MINDY4B: variants seen among roughly 807,000 people sequenced by gnomAD.
MINDY4B encodes the protein MINDY family member 4B, also known as inactive ubiquitin carboxyl-terminal hydrolase MINDY-4B.
Under a neutral mutation model 16.7 loss-of-function variants are expected in MINDY4B, and 25 were observed. The ratio of observed to expected loss-of-function variants is 1.49; its 90% confidence interval spans 1.09 to 2.09. The LOEUF is 2.09. MINDY4B is among the 30% of genes most tolerant of loss of function. The pLI is 0.00. For missense variants in MINDY4B, 327 were observed against 168.4 expected, an observed-to-expected ratio of 1.94 and a Z score of -5.21; for synonymous variants, 132 against 61.9, an observed-to-expected ratio of 2.13 and a Z score of -5.32.
intron 5 of MINDY4B, among the ~76,000 whole-genome samples, chr3:150,892,488 C>A (rs1711843387): frequency 6.6e-6 from 1 of 152,204 alleles, no homozygotes; most frequent in East Asian, 1.9e-4. Flanking sequence ...AATAACTTTA[C>A]CTGCCTGAGG....
At chr3:150,896,464 T>TG (rs1190564825) in intron 3 of MINDY4B, among the ~76,000 whole-genome samples, 1 of 152,180 alleles carries the variant, frequency 6.6e-6, no homozygotes, top group Non-Finnish European at 1.5e-5. Flanking sequence ...AACCTTGTTT[T>TG]GCCATATTAC....
intron 10 of MINDY4B, among the ~76,000 whole-genome samples, chr3:150,876,684 C>T (rs953866135): frequency 2.0e-5 from 3 of 152,100 alleles, no homozygotes; most frequent in Admixed American, 6.5e-5. Flanking sequence ...AAAGGGAAAA[C>T]GTAAAGGGGG....
chr3:150,882,309 A>AT (rs994521303), intron 10 of MINDY4B, among the ~76,000 whole-genome samples: 3 of 152,024 alleles, frequency 2.0e-5, no homozygotes, highest in African/African-American at 7.2e-5. Flanking sequence ...TCAACAGGAC[A>AT]TTTTACTTTC....
At position 150,893,189 on chromosome 3, in the gene MINDY4B, G is replaced by C. The variant is rs1344894243; in HGVS notation, c.521+135C>G. On this transcript the variant is annotated intron_variant, in intron 5 of 11. Coordinates refer to ENST00000465419, the MANE Select transcript of MINDY4B (RefSeq NM_001351281.2). ...CCAGTGGCAGAATCCAGCCTCTCTG[G>C]GACAGACAGGGCCATTTCTGTCTTA... is the stretch of plus-strand genomic sequence containing the variant. The C allele has an allele frequency of 1.1e-5, 7 of 641,374 alleles. No individual in the cohort carries two copies. The East Asian group carries it at 1.9e-4, about 17-fold the overall frequency. The allele number at this position is 641,374 out of a possible 1,614,324, so 39.7% of individuals were successfully genotyped here.
rs551280027 is a variant in MINDY4B at position 150,876,573 on chromosome 3, C to T, written c.1060-3206G>A. Reference sequence around the variant, plus strand: ...GGTATGTTGTAAAGACAAATTAGTTCATGTTTGCAGGGCGCTACCTCAGTG... The same window carrying T: ...GGTATGTTGTAAAGACAAATTAGTTTATGTTTGCAGGGCGCTACCTCAGTG... On this transcript the variant is annotated intron_variant, in intron 10 of 11. Transcript: ENST00000465419. 4.6e-5 allele frequency among the ~76,000 whole-genome samples: 7 copies of T among 152,232 alleles called. No homozygotes were observed. The South Asian group carries it at 1.0e-3, about 23-fold the overall frequency.
chr3:150,904,915 A>G (rs986525574), intron 2 of MINDY4B, 147 bp downstream of exon 2: 9 of 396,602 alleles, frequency 2.3e-5, no homozygotes, highest in Non-Finnish European at 3.1e-5. Context: ...AATCTTCGAC[A>G]GGCTTTCTAG....
intron 3 of MINDY4B, among the ~76,000 whole-genome samples, chr3:150,898,933 G>A (rs1206584819): frequency 6.6e-6 from 1 of 152,152 alleles, no homozygotes; most frequent in African/African-American, 2.4e-5. Flanking sequence ...ACTTGAGGTA[G>A]ACTAATCCTC....
chr3:150,879,357 C>G (rs1361538456), intron 10 of MINDY4B, among the ~76,000 whole-genome samples: 15 of 152,072 alleles, frequency 9.9e-5, no homozygotes. Flanking sequence ...CTGCTGGCAT[C>G]TAGTGAGCAG....
At chr3:150,871,882 C>T (rs893482317) in intron 11 of MINDY4B, among the ~76,000 whole-genome samples, 34 of 152,292 alleles carry the variant, frequency 2.2e-4, no homozygotes, top group African/African-American at 7.9e-4. Flanking sequence ...CTCCATGCTT[C>T]TCAGAATACA....
At chr3:150,892,259 C>T (rs1264885410) in intron 5 of MINDY4B, among the ~76,000 whole-genome samples, 8 of 152,208 alleles carry the variant, frequency 5.3e-5, no homozygotes, top group Non-Finnish European at 1.2e-4. Flanking sequence ...TCCATGCACC[C>T]GAGCTCCCAT....
chr3:150,899,895 C>A (rs17219034), intron 3 of MINDY4B, among the ~76,000 whole-genome samples: 9,414 of 152,302 alleles, frequency 0.062, 303 homozygotes, highest in Middle Eastern at 0.17. Context: ...TGCCTATTAT[C>A]CCATTTCAGA....
chr3:150,883,897 C>A (rs1317758744), intron 8 of MINDY4B, 125 bp from the exon 9 acceptor site: 1 of 620,850 alleles, frequency 1.6e-6, no homozygotes, highest in Admixed American at 2.6e-5. Context: ...TTCTCACTTG[C>A]ACTTTTCCAT....
intron 4 of MINDY4B, among the ~76,000 whole-genome samples, chr3:150,893,708 TG>T (rs549403044): frequency 2.1e-4 from 3 of 14,338 alleles, no homozygotes; most frequent in Middle Eastern, 0.17. Flanking sequence ...GGGGGGGGGG[TG>T]GGGTGCAGTC....
chr3:150,879,772 C>T (rs1711505833), intron 10 of MINDY4B, among the ~76,000 whole-genome samples: 1 of 152,094 alleles, frequency 6.6e-6, no homozygotes, highest in Non-Finnish European at 1.5e-5. Flanking sequence ...ATGACCTGGG[C>T]ATTGATAGTT....
chr3:150,889,010 T>C (rs1210587216), intron 7 of MINDY4B, among the ~76,000 whole-genome samples: 2 of 152,214 alleles, frequency 1.3e-5, no homozygotes, highest in Non-Finnish European at 2.9e-5. Flanking sequence ...TCCCATTCAA[T>C]GTCTCTTGCC....
intron 5 of MINDY4B, 128 bp downstream of exon 5, chr3:150,893,196 C>A: frequency 1.5e-6 from 1 of 649,022 alleles, no homozygotes; most frequent in Non-Finnish European, 2.8e-6. Context: ...CTGGGACAGA[C>A]AGGGCCATTT....
rs1336461662 is a variant in MINDY4B, at chr3:150,893,369, T to A, written c.476A>T (p.Lys159Ile). 5.7e-6 allele frequency: 4 copies of A among 702,808 alleles called. No homozygotes were observed. Among genetic ancestry groups the A allele is most frequent in the Non-Finnish European group, 1.0e-5 (4 of 384,834 alleles). The allele number at this position is 702,808 out of a possible 1,614,324, so 43.5% of individuals were successfully genotyped here. A position where few individuals can be genotyped will look rare whatever the true frequency, so the allele number is the denominator to read the frequency against. The change falls in exon 5 of 12, where the codon AAA becomes ATA. Residue 159 changes from lysine (K) to isoleucine (I), a missense_variant. Physicochemically the swap from Lys to Ile is moderately radical, Grantham distance 102. Transcript: ENST00000465419. ...TCCTTTCCTGGTAAACAACAAGTATTTGATGATGGATCCTTGCACAGCCAT... is the reference window on the plus strand; with the variant it reads ...TCCTTTCCTGGTAAACAACAAGTATATGATGATGGATCCTTGCACAGCCAT... ...IQMAVQGSIIKYLLFTRKGKD... is the reference protein window; with the variant it reads ...IQMAVQGSIIIYLLFTRKGKD...
At position 150,871,066 on chromosome 3, in the gene MINDY4B, A is replaced by G. The variant is rs1312574704; in HGVS notation, c.1362T>C (p.Asn454=). ...CCCTTTAGAAGAAGGGAACGGTCCC[A>G]TTCCAGTTGATGGTGGCCTCGCTCC... ...TKWSEATINW[N]GTVPFF Residue 454 remains asparagine (N), a synonymous_variant, in exon 12 of 12, where the codon AAT becomes AAC. Coordinates refer to ENST00000465419, the MANE Select transcript of MINDY4B (RefSeq NM_001351281.2). 4 of 702,816 alleles carry G rather than the reference A, an allele frequency of 5.7e-6. No homozygotes were observed. Among genetic ancestry groups the G allele is most frequent in the Non-Finnish European group, 1.0e-5 (4 of 384,874 alleles). The allele number at this position is 702,816 out of a possible 1,614,324, so 43.5% of individuals were successfully genotyped here. A position where few individuals can be genotyped will look rare whatever the true frequency, so the allele number is the denominator to read the frequency against.
chr3:150,880,155 G>T (rs561090194), intron 10 of MINDY4B, among the ~76,000 whole-genome samples: 1 of 152,380 alleles, frequency 6.6e-6, no homozygotes, highest in East Asian at 1.9e-4. Context: ...TGTTGTAAGT[G>T]AGGAAACAGG....
Sources: gnomAD v4.1 joint callset for allele counts (sites outside exome capture counted in the v4.1 genomes callset) on GRCh38, gnomAD v4.1.1 for gene constraint, MANE v1.5 for transcripts, NCBI Gene and HGNC (gene_info 2026-07-23, HGNC 2026-07-21) for gene names.